Variants in CRX observed in about 807,000 individuals in gnomAD.
CRX encodes the protein cone-rod homeobox protein.
Under a neutral mutation model 13.1 loss-of-function variants are expected in CRX, and 5 were observed. The observed-to-expected ratio is 0.38, with a 90% CI of 0.20 to 0.80. The LOEUF (loss-of-function observed/expected upper bound fraction) is 0.80, where lower values mean the gene tolerates loss of function less well. CRX is among the 30% of genes least tolerant of loss of function. The probability of loss-of-function intolerance (pLI) is 0.43; values close to 1 mark genes in which losing one functional copy is unlikely to be tolerated. For synonymous variants in CRX, 179 were observed against 171.1 expected (o/e 1.05, Z -0.36); for missense variants, 351 against 391.8 (o/e 0.90, Z 0.88).
Position 47,837,462 on chromosome 19 carries a change from C to T in CRX, c.252+1068C>T, listed in dbSNP as rs140772504. Among the ~76,000 whole-genome samples, 655 of 152,214 alleles carry T rather than the reference C, an allele frequency of 4.3e-3. 1 individual carries two copies. The highest frequency in any genetic ancestry group is 6.1e-3 in the Non-Finnish European group (414 of 68,012). On this transcript the variant is annotated intron_variant, in intron 3 of 3. Coordinates refer to ENST00000221996, the MANE Select transcript of CRX (RefSeq NM_000554.6). ...GATTACAGGCGTGAGCCACCGCGCCCGGCCGGATGGGTGTATTTATGTATA... is the reference window on the plus strand; with the variant it reads ...GATTACAGGCGTGAGCCACCGCGCCTGGCCGGATGGGTGTATTTATGTATA...
At position 47,840,085 on chromosome 19, in the gene CRX, CCTT is replaced by C; in HGVS notation, c.*121_*123del. On this transcript the variant is annotated 3_prime_UTR_variant, in exon 4 of 4. Transcript: ENST00000221996. Reference sequence around the variant, plus strand: ...TGAGAAAGCAACCCGAACCAGCTGTCCTTCTGACAGCTCGGTGTTCAGCTTACA... The same window carrying C: ...TGAGAAAGCAACCCGAACCAGCTGTCCTGACAGCTCGGTGTTCAGCTTACA... 8.3e-7 allele frequency: 1 copy of C among 1,211,328 alleles called. No individual in the cohort carries two copies. The highest frequency in any genetic ancestry group is 1.9e-5 in the Admixed American group (1 of 51,782). 75.0% of individuals were successfully genotyped at this position (1,211,328 alleles called of 1,614,324 possible). A position where few individuals can be genotyped will look rare whatever the true frequency, so the allele number is the denominator to read the frequency against.
chr19:47,838,666 T>C (rs1968149627), intron 3 of CRX, among the ~76,000 whole-genome samples: 1 of 152,148 alleles, frequency 6.6e-6, no homozygotes, highest in Non-Finnish European at 1.5e-5. Flanking sequence ...TGGGTAAACG[T>C]ATGCATGATG....
At chr19:47,829,734 ATCC>A (rs1378088838) in intron 1 of CRX, among the ~76,000 whole-genome samples, 2 of 151,428 alleles carry the variant, frequency 1.3e-5, no homozygotes, top group Admixed American at 6.6e-5. Context: ...GGCTCCAGTG[ATCC>A]TCCTGCCTCA....
intron 2 of CRX, among the ~76,000 whole-genome samples, chr19:47,835,477 C>A (rs1477172938): frequency 6.7e-6 from 1 of 150,210 alleles, no homozygotes; most frequent in Admixed American, 6.6e-5. Context: ...TTTTGCCTCC[C>A]AGGTTCAAGT....
intron 3 of CRX, among the ~76,000 whole-genome samples, chr19:47,837,369 G>A (rs1968130021): frequency 6.6e-6 from 1 of 152,088 alleles, no homozygotes; most frequent in Non-Finnish European, 1.5e-5. Context: ...GTTTCACCAT[G>A]TTGGCCAGGC....
At position 47,835,227 on chromosome 19, in the gene CRX, A is replaced by ATTT. The variant is rs370919775; in HGVS notation, c.100+693_100+695dup. ...ACAAAACATAGAAAAAATTATTATT[A>ATTT]TTTTTTTTTTTGTAGAGATTGGGTC... On this transcript the variant is annotated intron_variant, in intron 2 of 3. Transcript: ENST00000221996. Among the ~76,000 whole-genome samples the ATTT allele has an allele frequency of 3.4e-5, 5 of 147,426 alleles. No homozygotes were observed. The South Asian group carries it at 1.1e-3, about 32-fold the overall frequency.
At chr19:47,835,620 GTTTTTTTT>G (rs34872129) in intron 2 of CRX, among the ~76,000 whole-genome samples, 7 of 102,196 alleles carry the variant, frequency 6.8e-5, no homozygotes, top group Admixed American at 2.5e-4. Context: ...TTTAGCTCTT[GTTTTTTTT>G]TTTTTTTTTT....
chr19:47,833,995 C>T (rs57790770), intron 1 of CRX, among the ~76,000 whole-genome samples: 9,115 of 138,516 alleles, frequency 0.066, 350 homozygotes, highest in South Asian at 0.15. Context: ...TTTTAAAGAA[C>T]ACTTTTTTTT....
chr19:47,833,777 A>AC (rs370047418), intron 1 of CRX, among the ~76,000 whole-genome samples: 109,066 of 151,834 alleles, frequency 0.72, 40,279 homozygotes, highest in African/African-American at 0.8. Context: ...GCCCATGGTC[A>AC]AGAAAGAAGG....
rs1342898292 is a variant in CRX, at chr19:47,843,199, G to A, written c.*3232G>A. ...GTGACAAGGCAGGTGGGGACAGAAG[G>A]AAGAAGCCAGGAGCCTCCCTGAGAA... On this transcript the variant is annotated 3_prime_UTR_variant, in exon 4 of 4. Coordinates refer to ENST00000221996, the MANE Select transcript of CRX (RefSeq NM_000554.6). 6.6e-6 allele frequency: 1 copy of A among 152,312 alleles called. No homozygotes were observed. The highest frequency in any genetic ancestry group is 1.5e-5 in the Non-Finnish European group (1 of 68,136). 9.4% of individuals were successfully genotyped at this position (152,312 alleles called of 1,614,324 possible). A position where few individuals can be genotyped will look rare whatever the true frequency, so the allele number is the denominator to read the frequency against.
intron 1 of CRX, among the ~76,000 whole-genome samples, chr19:47,831,513 C>G (rs116226312): frequency 0.01 from 1,595 of 151,934 alleles, 25 homozygotes; most frequent in African/African-American, 0.037. Context: ...ACTGCACGTG[C>G]GAGAGATCTA....
intron 1 of CRX, among the ~76,000 whole-genome samples, chr19:47,824,044 G>A (rs1223318473): frequency 2.2e-4 from 34 of 152,138 alleles, no homozygotes; most frequent in Admixed American, 2.2e-3. Context: ...TGCAAAGTGG[G>A]GACAATGATA....
chr19:47,830,681 A>G (rs1968033057), intron 1 of CRX, among the ~76,000 whole-genome samples: 1 of 152,140 alleles, frequency 6.6e-6, no homozygotes, highest in Admixed American at 6.6e-5. Context: ...CTGTAATCCC[A>G]GCTACTTGGG....
chr19:47,836,663 T>C (rs1386585732), intron 3 of CRX, among the ~76,000 whole-genome samples: 1 of 152,200 alleles, frequency 6.6e-6, no homozygotes, highest in African/African-American at 2.4e-5. Flanking sequence ...CTGGAATGCT[T>C]ATTTCCAGAT....
intron 1 of CRX, among the ~76,000 whole-genome samples, chr19:47,827,537 C>CTTTTTTTTTTTTTT (rs71180887): frequency 1.1e-5 from 1 of 90,384 alleles, no homozygotes. Context: ...TTTCTGAAGG[C>CTTTTTTTTTTTTTT]TTTTTTTTTT....
intron 3 of CRX, among the ~76,000 whole-genome samples, 198 bp downstream of exon 3, chr19:47,836,592 G>A (rs537597846): frequency 6.6e-6 from 1 of 152,316 alleles, no homozygotes; most frequent in East Asian, 1.9e-4. Context: ...CAGCTGCGCT[G>A]GCCCTGACCT....
In CRX at chr19:47,840,977, G is replaced by C. The variant is rs537411476; in HGVS notation, c.*1010G>C. On this transcript the variant is annotated 3_prime_UTR_variant, in exon 4 of 4. Transcript: ENST00000221996. ...GATCCGCCTGCCTCGGCCTCCCAAAGTGCTGGGATTACAGGCATGAGCCAT... is the reference window on the plus strand; with the variant it reads ...GATCCGCCTGCCTCGGCCTCCCAAACTGCTGGGATTACAGGCATGAGCCAT... The C allele has an allele frequency of 6.6e-6, 1 of 152,388 alleles. No individual in the cohort carries two copies. The highest frequency in any genetic ancestry group is 1.5e-5 in the Non-Finnish European group (1 of 68,222). The allele number at this position is 152,388 out of a possible 1,614,324, so 9.4% of individuals were successfully genotyped here.
At chr19:47,825,957 G>A (rs897072977) in intron 1 of CRX, among the ~76,000 whole-genome samples, 1 of 152,102 alleles carries the variant, frequency 6.6e-6, no homozygotes, top group Non-Finnish European at 1.5e-5. Flanking sequence ...CCAGAAAGTG[G>A]TGATCGTAAA....
intron 1 of CRX, among the ~76,000 whole-genome samples, chr19:47,830,300 C>G (rs1968028066): frequency 6.6e-6 from 1 of 151,680 alleles, no homozygotes; most frequent in Non-Finnish European, 1.5e-5. Flanking sequence ...CAGAGGGAGA[C>G]CTTGTCTCTT....
Sources: gnomAD v4.1 joint callset for allele counts (sites outside exome capture counted in the v4.1 genomes callset) on GRCh38, gnomAD v4.1.1 for gene constraint, MANE v1.5 for transcripts, NCBI Gene and HGNC (gene_info 2026-07-23, HGNC 2026-07-21) for gene names.